ARID1B: variants seen among roughly 807,000 people sequenced by gnomAD.
ARID1B encodes the protein AT-rich interactive domain-containing protein 1B.
ARID1B carries 30 observed loss-of-function variants against 212.3 expected under a neutral mutation model. The ratio of observed to expected loss-of-function variants is 0.14; its 90% CI spans 0.11 to 0.19. ARID1B has a LOEUF of 0.19. Ranked by LOEUF, ARID1B falls within the 10% of genes least tolerant of loss-of-function variation. ARID1B has a pLI of 1.00. For missense variants in ARID1B, 2,891 were observed against 3,204.0 expected (o/e 0.90, Z 2.36); for synonymous variants, 1,402 against 1,301.7 (o/e 1.08, Z -1.66).
chr6:157,199,675 T>C (rs1388940231), intron 17 of ARID1B, among the ~76,000 whole-genome samples: 2 of 151,888 alleles, frequency 1.3e-5, no homozygotes, highest in Non-Finnish European at 2.9e-5. Context: ...AAGGAATTGC[T>C]TTTTTTCTTT....
At chr6:156,964,473 C>A (rs771585100) in intron 4 of ARID1B, among the ~76,000 whole-genome samples, 11 of 152,296 alleles carry the variant, frequency 7.2e-5, no homozygotes, top group African/African-American at 2.6e-4. Context: ...TGTGAGACCA[C>A]AGAAAGGCTA....
At position 157,210,595 on chromosome 6, in the gene ARID1B, A is replaced by G. The variant is rs993281422; in HGVS notation, c.*2704A>G. ...ACGAAGAATTTACAGCCTGCTTGAGATCATCTTGCCTATAAACTGAGTTAT... is the reference window on the plus strand; with the variant it reads ...ACGAAGAATTTACAGCCTGCTTGAGGTCATCTTGCCTATAAACTGAGTTAT... On this transcript the variant is annotated 3_prime_UTR_variant, in exon 20 of 20. Transcript: ENST00000636930. The G allele has an allele frequency of 4.3e-5, 10 of 231,966 alleles. No individual in the cohort carries two copies. The highest frequency in any genetic ancestry group is 6.8e-5 in the Non-Finnish European group (8 of 117,614). The allele number at this position is 231,966 out of a possible 1,614,324, so 14.4% of individuals were successfully genotyped here.
At chr6:156,803,281 A>G (rs1780917521) in intron 1 of ARID1B, among the ~76,000 whole-genome samples, 1 of 152,224 alleles carries the variant, frequency 6.6e-6, no homozygotes, top group Admixed American at 6.5e-5. Flanking sequence ...TTCAGTCCAC[A>G]TTTATAATGT....
rs1239601972 is a variant in ARID1B at position 156,779,299 on chromosome 6, C to CGGCGGCGGCGGG, written c.1632_1643dup (p.Ala545_Gly548dup). ...CCGCCGTCGCAGCCCCAGTCCCAGGCGGCGGCGGCGGGGGCGGCGGCGGGC... is the reference window on the plus strand; with the variant it reads ...CCGCCGTCGCAGCCCCAGTCCCAGGCGGCGGCGGCGGGGGCGGCGGCGGGGGCGGCGGCGGGC... On this transcript the variant is annotated inframe_insertion, in exon 1 of 20. Coordinates refer to ENST00000636930, the MANE Select transcript of ARID1B (RefSeq NM_001374828.1). 5.5e-5 allele frequency: 55 copies of CGGCGGCGGCGGG among 1,008,818 alleles called. No homozygotes were observed. The highest frequency in any genetic ancestry group is 4.4e-4 in the Middle Eastern group (1 of 2,264). The allele number at this position is 1,008,818 out of a possible 1,614,324, so 62.5% of individuals were successfully genotyped here.
chr6:156,823,175 C>T (rs1274593809), intron 1 of ARID1B, among the ~76,000 whole-genome samples: 1 of 152,004 alleles, frequency 6.6e-6, no homozygotes, highest in Non-Finnish European at 1.5e-5. Flanking sequence ...TGTGTTACGG[C>T]CGGGCCATGG....
chr6:156,879,145 T>C (rs777480393), intron 2 of ARID1B, among the ~76,000 whole-genome samples: 8 of 152,198 alleles, frequency 5.3e-5, no homozygotes, highest in Non-Finnish European at 1.2e-4. Context: ...GTTCGCATCA[T>C]ACCCACGCAC....
intron 1 of ARID1B, among the ~76,000 whole-genome samples, chr6:156,807,136 G>A (rs1242137826): frequency 3.0e-5 from 4 of 134,282 alleles, no homozygotes; most frequent in African/African-American, 8.2e-5. Context: ...CAAGTATTGT[G>A]CACCCCCCCA....
At chr6:156,915,619 G>A (rs1474147177) in intron 3 of ARID1B, among the ~76,000 whole-genome samples, 1 of 151,842 alleles carries the variant, frequency 6.6e-6, no homozygotes, top group East Asian at 1.9e-4. Context: ...GTTTTGGGCG[G>A]GCTCAGTGGC....
chr6:157,184,161 T>C, intron 12 of ARID1B, 70 bp from the exon 13 acceptor site: 1 of 1,422,458 alleles, frequency 7.0e-7, no homozygotes, highest in Non-Finnish European at 9.6e-7. Flanking sequence ...CATTAAGTGC[T>C]TTTTTTGTCT....
At chr6:156,894,545 T>C (rs1391206204) in intron 2 of ARID1B, among the ~76,000 whole-genome samples, 1 of 152,232 alleles carries the variant, frequency 6.6e-6, no homozygotes, top group Non-Finnish European at 1.5e-5. Context: ...CTCATTCTTT[T>C]ACACAGCAAA....
intron 1 of ARID1B, among the ~76,000 whole-genome samples, chr6:156,810,531 G>A (rs6907209): frequency 0.095 from 14,443 of 152,220 alleles, 817 homozygotes; most frequent in African/African-American, 0.16. Flanking sequence ...AGCCTCTGGT[G>A]TCCAGAAGAC....
At chr6:157,029,275 A>T (rs1308083843) in intron 4 of ARID1B, among the ~76,000 whole-genome samples, 2 of 152,226 alleles carry the variant, frequency 1.3e-5, no homozygotes, top group East Asian at 3.8e-4. Context: ...CTACTTATAT[A>T]GTTATATTAG....
At chr6:157,145,087 GT>G (rs1461127981) in intron 7 of ARID1B, among the ~76,000 whole-genome samples, 1 of 152,100 alleles carries the variant, frequency 6.6e-6, no homozygotes, top group African/African-American at 2.4e-5. Context: ...TTCTTTCCCA[GT>G]TCCTCAGATC....
At chr6:157,185,591 G>C (rs1262507512) in intron 13 of ARID1B, 3 of 152,256 alleles carry the variant, frequency 2.0e-5, no homozygotes, top group Admixed American at 6.5e-5. Context: ...CTGGGGAGTA[G>C]AAGGTCTTAT....
chr6:157,170,318 A>G (rs1016238940), intron 9 of ARID1B: 1 of 152,222 alleles, frequency 6.6e-6, no homozygotes, highest in Admixed American at 6.5e-5. Context: ...TACTCCTAGA[A>G]TATCAATCTT....
chr6:156,992,588 A>G (rs2128408688), intron 4 of ARID1B, among the ~76,000 whole-genome samples: 2 of 152,326 alleles, frequency 1.3e-5, no homozygotes, highest in South Asian at 4.1e-4. Flanking sequence ...GGCTAGCACC[A>G]GGGCCGTAGG....
intron 1 of ARID1B, among the ~76,000 whole-genome samples, chr6:156,807,355 T>C (rs1379845445): frequency 6.6e-6 from 1 of 152,074 alleles, no homozygotes; most frequent in Non-Finnish European, 1.5e-5. Flanking sequence ...TTTTGGTTTT[T>C]ACTGCCCGCC....
intron 5 of ARID1B, among the ~76,000 whole-genome samples, chr6:157,100,855 T>A (rs1278904487): frequency 6.6e-6 from 1 of 152,196 alleles, no homozygotes; most frequent in Non-Finnish European, 1.5e-5. Flanking sequence ...GAAGGAAAGA[T>A]CCTGACCAGT....
intron 4 of ARID1B, among the ~76,000 whole-genome samples, chr6:157,037,891 A>G (rs1781433177): frequency 6.6e-6 from 1 of 152,184 alleles, no homozygotes; most frequent in Non-Finnish European, 1.5e-5. Context: ...AGAGTAGGAA[A>G]AGAGGAGCTC....
Sources: allele counts gnomAD v4.1 joint callset (sites outside exome capture counted in the v4.1 genomes callset), GRCh38; gene constraint gnomAD v4.1.1; transcripts MANE v1.5; gene names NCBI Gene and HGNC (gene_info 2026-07-23, HGNC 2026-07-21).